Variants in ZBTB10 observed in about 807,000 individuals in gnomAD.
The protein encoded by ZBTB10 is zinc finger and BTB domain containing 10, also known as zinc finger and BTB domain-containing protein 10.
In ZBTB10, 32 loss-of-function variants were observed where a neutral mutation model predicts 76.4. The ratio of observed to expected loss-of-function variants is 0.42; its 90% confidence interval spans 0.32 to 0.56. The LOEUF (loss-of-function observed/expected upper bound fraction) is 0.56, where lower values mean the gene tolerates loss of function less well. Among genes scored for constraint, ZBTB10 ranks in the 20% least tolerant of loss-of-function variants. ZBTB10 has a pLI of 0.14. For synonymous variants in ZBTB10, 523 were observed against 432.9 expected (o/e 1.21, Z -2.58); for missense variants, 1,057 against 1,098.5 (o/e 0.96, Z 0.53).
Position 80,486,872 on chromosome 8 carries a change from C to G in ZBTB10, c.62C>G (p.Ala21Gly), listed in dbSNP as rs987116331. ...TTCCGAGGAGGCGGGTTGGTCACCG[C>G]TAGCGGCGGCGGCTCCACGAACAAT... ...LAFRGGGLVTASGGGSTNNNA... is the reference protein window; with the variant it reads ...LAFRGGGLVTGSGGGSTNNNA... The change falls in exon 1 of 6, where the codon GCT (alanine) becomes GGT (glycine). Residue 21 changes from alanine to glycine, a missense_variant. Ala to Gly is a moderately conservative substitution (Grantham distance 60, BLOSUM62 0). This residue lies in a region of ZBTB10 where 556 missense variants were observed against 451.7 expected (regional missense o/e 1.23). Coordinates refer to ENST00000455036, the MANE Select transcript of ZBTB10 (RefSeq NM_001105539.3). 1 of 1,512,912 alleles carries G rather than the reference C, an allele frequency of 6.6e-7. No individual in the cohort carries two copies. 93.7% of individuals were successfully genotyped at this position (1,512,912 alleles called of 1,614,324 possible). A position where few individuals can be genotyped will look rare whatever the true frequency, so the allele number is the denominator to read the frequency against.
rs1056946755 is a variant in ZBTB10 at position 80,519,711 on chromosome 8, T to C, written c.*183T>C. The C allele has an allele frequency of 1.1e-5, 6 of 555,676 alleles. No individual in the cohort carries two copies. Among genetic ancestry groups the C allele is most frequent in the East Asian group, 5.7e-5 (2 of 34,816 alleles). 34.4% of individuals were successfully genotyped at this position (555,676 alleles called of 1,614,324 possible). The stretch of plus-strand genomic sequence containing the variant: ...TTTTTTTTATATTTGCACAGGACTA[T>C]ACAGCAAACAACCATGTGGTTGGAT... On this transcript the variant is annotated 3_prime_UTR_variant, in exon 6 of 6. Transcript: ENST00000455036.
intron 3 of ZBTB10, among the ~76,000 whole-genome samples, chr8:80,517,109 T>C (rs1816343391): frequency 6.6e-6 from 1 of 152,190 alleles, no homozygotes; most frequent in South Asian, 2.1e-4. Flanking sequence ...TTGGAGGATA[T>C]TGAAAGTCTC....
At chr8:80,514,775 G>T (rs1816285712) in intron 3 of ZBTB10, among the ~76,000 whole-genome samples, 1 of 152,162 alleles carries the variant, frequency 6.6e-6, no homozygotes, top group African/African-American at 2.4e-5. Flanking sequence ...ATTAAACTTA[G>T]TGCCATTAAA....
intron 2 of ZBTB10, among the ~76,000 whole-genome samples, chr8:80,503,925 C>T (rs115190782): frequency 2.0e-5 from 3 of 152,182 alleles, no homozygotes; most frequent in African/African-American, 4.8e-5. Flanking sequence ...GCTATGTGCT[C>T]TTCTGCCCAT....
chr8:80,501,434 A>G (rs1293009321), intron 2 of ZBTB10, among the ~76,000 whole-genome samples: 3 of 152,226 alleles, frequency 2.0e-5, no homozygotes, highest in African/African-American at 4.8e-5. Flanking sequence ...TTTCCTATGC[A>G]TGCCTGAGGC....
At chr8:80,510,937 C>T (rs1163060986) in intron 2 of ZBTB10, among the ~76,000 whole-genome samples, 1 of 152,100 alleles carries the variant, frequency 6.6e-6, no homozygotes, top group Non-Finnish European at 1.5e-5. Context: ...AAAATTCATT[C>T]GTGTCAATTA....
At chr8:80,506,562 A>AC (rs775670465) in intron 2 of ZBTB10, among the ~76,000 whole-genome samples, 6,366 of 84,914 alleles carry the variant, frequency 0.075, 161 homozygotes, top group African/African-American at 0.12. Flanking sequence ...CAGGTGATCC[A>AC]CCCCCCCCCC....
In ZBTB10 at chr8:80,493,207, G is replaced by GCACACACACACACA. The variant is rs369440030; in HGVS notation, c.972+5450_972+5463dup. 2.9e-3 allele frequency among the ~76,000 whole-genome samples: 360 copies of GCACACACACACACA among 125,268 alleles called. 2 individuals carry two copies. Among genetic ancestry groups the GCACACACACACACA allele is most frequent in the Admixed American group, 6.2e-3 (79 of 12,794 alleles). 82.2% of individuals were successfully genotyped at this position (125,268 alleles called of 152,430 possible). The stretch of plus-strand genomic sequence containing the variant: ...TGTGCCTCAAAACGCGCGCGCGCGC[G>GCACACACACACACA]CACACACACACACACACACACACAC... On this transcript the variant is annotated intron_variant, in intron 1 of 5. Transcript: ENST00000455036.
intron 1 of ZBTB10, among the ~76,000 whole-genome samples, chr8:80,493,909 A>G (rs1239959308): frequency 1.3e-5 from 2 of 152,242 alleles, no homozygotes; most frequent in East Asian, 1.9e-4. Context: ...TGGGGATAGT[A>G]CTTAAGCTAC....
rs1327609964 is a variant in ZBTB10 at position 80,486,659 on chromosome 8, G to A, written c.-152G>A. 9.1e-6 allele frequency: 9 copies of A among 989,022 alleles called. No individual in the cohort carries two copies. The highest frequency in any genetic ancestry group is 1.1e-5 in the Non-Finnish European group (9 of 832,552). The allele number at this position is 989,022 out of a possible 1,614,324, so 61.3% of individuals were successfully genotyped here. On this transcript the variant is annotated 5_prime_UTR_variant, in exon 1 of 6. Transcript: ENST00000455036. ...AGACCCGGGAGCGAGCGCGAGCCGG[G>A]CTGCCGGGCGAGAGGGCGAGGCCGA...
intron 2 of ZBTB10, among the ~76,000 whole-genome samples, chr8:80,504,122 C>G (rs989678519): frequency 1.3e-5 from 2 of 152,092 alleles, no homozygotes; most frequent in African/African-American, 4.8e-5. Context: ...GTAGTAGATT[C>G]CTATCTTTTT....
chr8:80,514,259 T>C (rs899691893), intron 3 of ZBTB10, among the ~76,000 whole-genome samples: 6 of 152,256 alleles, frequency 3.9e-5, no homozygotes, highest in Non-Finnish European at 1.5e-5. Context: ...TGAGTTAATA[T>C]GGCTTATGGC....
intron 1 of ZBTB10, among the ~76,000 whole-genome samples, chr8:80,493,701 A>C (rs926590433): frequency 3.3e-5 from 5 of 150,692 alleles, no homozygotes; most frequent in Admixed American, 1.3e-4. Flanking sequence ...GTGGTGGCGC[A>C]TGCCTGTAAT....
chr8:80,514,785 A>AAT (rs1816285980), intron 3 of ZBTB10, among the ~76,000 whole-genome samples: 1 of 152,240 alleles, frequency 6.6e-6, no homozygotes, highest in Non-Finnish European at 1.5e-5. Context: ...GTGCCATTAA[A>AAT]AAGAGCACAA....
chr8:80,487,094 T>A lies in ZBTB10; in HGVS notation c.284T>A (p.Leu95Gln). Residue 95 changes from leucine (L) to glutamine (Q), a missense_variant, in exon 1 of 6, where the codon CTG (leucine) becomes CAG (glutamine). By Grantham distance (113) the Leu-to-Gln change is moderately radical. Around this residue, in one of 5 missense-constraint regions of ZBTB10, gnomAD observed 556 missense variants for 451.7 expected, o/e 1.23. Transcript: ENST00000455036. Reference sequence around the variant, plus strand: ...GCCGCCGAGGAAGCCAAGGAGTTGCTGCTCCCCCAAGACGCGGGCGGCCCC... The same window carrying A: ...GCCGCCGAGGAAGCCAAGGAGTTGCAGCTCCCCCAAGACGCGGGCGGCCCC... ...AGAAEEAKELLLPQDAGGPTS... is the reference protein window; with the variant it reads ...AGAAEEAKELQLPQDAGGPTS... 1 of 1,518,862 alleles carries A rather than the reference T, an allele frequency of 6.6e-7. No individual in the cohort carries two copies. Among genetic ancestry groups the A allele is most frequent in the Non-Finnish European group, 8.8e-7 (1 of 1,139,400 alleles). The allele number at this position is 1,518,862 out of a possible 1,614,324, so 94.1% of individuals were successfully genotyped here.
chr8:80,486,649 C>G lies in ZBTB10; in HGVS notation c.-162C>G. 5 of 987,410 alleles carry G rather than the reference C, an allele frequency of 5.1e-6. No individual in the cohort carries two copies. The highest frequency in any genetic ancestry group is 6.0e-6 in the Non-Finnish European group (5 of 831,582). 61.2% of individuals were successfully genotyped at this position (987,410 alleles called of 1,614,324 possible). ...CGCGTGCAGCAGACCCGGGAGCGAG[C>G]GCGAGCCGGGCTGCCGGGCGAGAGG... On this transcript the variant is annotated 5_prime_UTR_variant, in exon 1 of 6. Transcript: ENST00000455036.
At chr8:80,506,030 C>T (rs1816043377) in intron 2 of ZBTB10, among the ~76,000 whole-genome samples, 1 of 151,056 alleles carries the variant, frequency 6.6e-6, no homozygotes, top group South Asian at 2.1e-4. Context: ...GCTGGGATTA[C>T]AGCCTTGAGC....
chr8:80,499,740 AC>A lies in ZBTB10; in HGVS notation c.1222del (p.His408ThrfsTer2). On this transcript the variant is annotated frameshift_variant, in exon 2 of 6. Transcript: ENST00000455036. LOFTEE classifies it high-confidence loss of function. ...AGAAAGCCCTAACCAAAACAATACT[AC>A]CCACTTAGATATTGCTGCAGTTCAA... ...NKESPNQNNT[T>X]HLDIAAVQGF... 1 of 1,613,934 alleles carries A rather than the reference AC, an allele frequency of 6.2e-7. No individual in the cohort carries two copies. Among genetic ancestry groups the A allele is most frequent in the Non-Finnish European group, 8.5e-7 (1 of 1,179,866 alleles).
chr8:80,500,117 A>G lies in ZBTB10; in HGVS notation c.1596A>G (p.Gln532=). 1 of 1,613,926 alleles carries G rather than the reference A, an allele frequency of 6.2e-7. No individual in the cohort carries two copies. Among genetic ancestry groups the G allele is most frequent in the Non-Finnish European group, 8.5e-7 (1 of 1,179,858 alleles). ...NVDEGQIENY[Q]MNDSSWVQDG... ...ACGAGGGCCAAATAGAAAACTACCA[A>G]ATGAATGACAGTAGTTGGGTCCAGG... Residue 532 remains glutamine, a synonymous_variant, in exon 2 of 6, where the codon CAA becomes CAG. Transcript: ENST00000455036.
Sources: allele counts gnomAD v4.1 joint callset (sites outside exome capture counted in the v4.1 genomes callset), GRCh38; gene constraint gnomAD v4.1.1; regional missense constraint gnomAD v4.1.1; transcripts MANE v1.5; gene names NCBI Gene and HGNC (gene_info 2026-07-23, HGNC 2026-07-21).